Variants in SGCZ observed in about 807,000 individuals in gnomAD.
SGCZ encodes sarcoglycan zeta.
SGCZ carries 40 observed loss-of-function variants against 41.3 expected under a neutral mutation model. That is an observed-to-expected ratio of 0.97 (90% CI 0.75 to 1.26). The LOEUF is 1.26. Ranked by LOEUF, SGCZ falls within the 50% of genes most tolerant of loss-of-function variation. The probability of loss-of-function intolerance (pLI) is 0.00; values close to 1 mark genes in which losing one functional copy is unlikely to be tolerated. For missense variants in SGCZ, 552 were observed against 369.8 expected (o/e 1.49, Z -4.04); for synonymous variants, 206 against 137.5 (o/e 1.50, Z -3.49).
At chr8:14,504,563 T>C (rs889157090) in intron 2 of SGCZ, among the ~76,000 whole-genome samples, 1 of 152,194 alleles carries the variant, frequency 6.6e-6, no homozygotes, top group Admixed American at 6.5e-5. Flanking sequence ...CCTTTCTTTC[T>C]TCTGCGTTAT....
chr8:15,188,025 A>T (rs372127577), intron 1 of SGCZ, among the ~76,000 whole-genome samples: 10 of 152,146 alleles, frequency 6.6e-5, no homozygotes, highest in Middle Eastern at 3.4e-3. Flanking sequence ...GTAACAACTT[A>T]CACATTATTC....
chr8:14,759,217 T>C (rs1014203425), intron 1 of SGCZ, among the ~76,000 whole-genome samples: 2 of 152,002 alleles, frequency 1.3e-5, no homozygotes, highest in African/African-American at 2.4e-5. Context: ...CCTATGTAAA[T>C]AGACAGTAAA....
chr8:14,751,777 T>C (rs1439300971), intron 1 of SGCZ, among the ~76,000 whole-genome samples: 1 of 150,858 alleles, frequency 6.6e-6, no homozygotes, highest in Non-Finnish European at 1.5e-5. Flanking sequence ...CTTGATTTCC[T>C]GACCTCGTGA....
intron 1 of SGCZ, among the ~76,000 whole-genome samples, chr8:14,967,310 G>T (rs115523862): frequency 1.3e-5 from 2 of 152,096 alleles, no homozygotes; most frequent in African/African-American, 4.8e-5. Flanking sequence ...AAGGGATAGC[G>T]CTTCTAACTG....
At position 14,761,570 on chromosome 8, in the gene SGCZ, C is replaced by T. The variant is rs181526065; in HGVS notation, c.40-206644G>A. Among the ~76,000 whole-genome samples the T allele has an allele frequency of 5.6e-3, 823 of 147,206 alleles. 12 individuals are homozygous for T. The highest frequency in any genetic ancestry group is 0.02 in the African/African-American group (776 of 39,644). ...TTTTTGAGAGGGAGTCTCTCCCTGT[C>T]GCCCAGACTGGAGTGCAGCAGCGTG... On this transcript the variant is annotated intron_variant, in intron 1 of 7. Transcript: ENST00000382080.
At chr8:14,530,109 A>T (rs1048592251) in intron 2 of SGCZ, among the ~76,000 whole-genome samples, 15 of 152,052 alleles carry the variant, frequency 9.9e-5, no homozygotes, top group African/African-American at 3.6e-4. Context: ...TTTCCAGTAT[A>T]CAAAACCATG....
At chr8:14,336,251 CTTA>C (rs1802501782) in intron 2 of SGCZ, among the ~76,000 whole-genome samples, 1 of 152,120 alleles carries the variant, frequency 6.6e-6, no homozygotes, top group Non-Finnish European at 1.5e-5. Flanking sequence ...TGATATCATT[CTTA>C]TTTTTTCTTG....
At chr8:14,586,131 C>A (rs552771480) in intron 1 of SGCZ, among the ~76,000 whole-genome samples, 1 of 152,150 alleles carries the variant, frequency 6.6e-6, no homozygotes, top group Non-Finnish European at 1.5e-5. Context: ...TCATAATCAT[C>A]GTTGTCTTAG....
intron 2 of SGCZ, among the ~76,000 whole-genome samples, chr8:14,520,824 C>G (rs979103671): frequency 2.6e-5 from 4 of 151,960 alleles, no homozygotes; most frequent in African/African-American, 9.7e-5. Context: ...AATGAGAGAG[C>G]ATTCTTTCTC....
Position 14,623,388 on chromosome 8 carries a change from G to A in SGCZ, c.40-68462C>T, listed in dbSNP as rs374905361. Among the ~76,000 whole-genome samples the A allele has an allele frequency of 5.3e-5, 8 of 152,274 alleles. No homozygotes were observed. The East Asian group carries it at 9.7e-4, about 18-fold the overall frequency. ...AACATCTCTTTGCGTGAAGCAAAAA[G>A]CATCCAGAGAAGCAGGCAAGCATCC... On this transcript the variant is annotated intron_variant, in intron 1 of 7. Coordinates refer to ENST00000382080, the MANE Select transcript of SGCZ (RefSeq NM_139167.4).
Position 14,691,480 on chromosome 8 carries a change from G to A in SGCZ, c.40-136554C>T, listed in dbSNP as rs183539154. 2.6e-4 allele frequency among the ~76,000 whole-genome samples: 40 copies of A among 152,012 alleles called. 1 individual carries two copies. The highest frequency in any genetic ancestry group is 9.4e-4 in the African/African-American group (39 of 41,492). On this transcript the variant is annotated intron_variant, in intron 1 of 7. Coordinates refer to ENST00000382080, the MANE Select transcript of SGCZ (RefSeq NM_139167.4). ...TTTGGAAGGGTTACTTAATTATGTC[G>A]TCTAAGTAACCTAATTTATATGATT...
chr8:14,736,965 G>A (rs1799054677), intron 1 of SGCZ, among the ~76,000 whole-genome samples: 1 of 151,260 alleles, frequency 6.6e-6, no homozygotes, highest in Non-Finnish European at 1.5e-5. Flanking sequence ...CAAAATTGTG[G>A]AACCAAACCA....
At position 15,149,345 on chromosome 8, in the gene SGCZ, C is replaced by T. The variant is rs149951496; in HGVS notation, c.39+88240G>A. Among the ~76,000 whole-genome samples the T allele has an allele frequency of 5.9e-3, 897 of 152,204 alleles. 12 individuals are homozygous for T. The highest frequency in any genetic ancestry group is 0.021 in the African/African-American group (853 of 41,524). On this transcript the variant is annotated intron_variant, in intron 1 of 7. Coordinates refer to ENST00000382080, the MANE Select transcript of SGCZ (RefSeq NM_139167.4). ...GGATTGGTGTGCAGAATAAAAAGCTCACAGGACAGAAAGTCTAACTGGACT... is the reference window on the plus strand; with the variant it reads ...GGATTGGTGTGCAGAATAAAAAGCTTACAGGACAGAAAGTCTAACTGGACT...
At chr8:15,042,323 C>T (rs1436707835) in intron 1 of SGCZ, among the ~76,000 whole-genome samples, 1 of 152,154 alleles carries the variant, frequency 6.6e-6, no homozygotes, top group Non-Finnish European at 1.5e-5. Context: ...GGCTCCACAG[C>T]CTCTGTGTCA....
At chr8:14,594,489 C>A (rs1284990474) in intron 1 of SGCZ, among the ~76,000 whole-genome samples, 3 of 152,008 alleles carry the variant, frequency 2.0e-5, no homozygotes, top group Non-Finnish European at 4.4e-5. Context: ...CACAATTCCA[C>A]TGGGAGGATC....
At chr8:14,544,350 A>G (rs970747112) in intron 2 of SGCZ, among the ~76,000 whole-genome samples, 2 of 152,142 alleles carry the variant, frequency 1.3e-5, no homozygotes, top group African/African-American at 2.4e-5. Context: ...ATATGAAATC[A>G]GTGCACCTTG....
intron 2 of SGCZ, among the ~76,000 whole-genome samples, chr8:14,417,128 C>G (rs569976951): frequency 1.0e-3 from 157 of 151,794 alleles, no homozygotes; most frequent in African/African-American, 3.6e-3. Flanking sequence ...TGTAAGAGCC[C>G]GTCTTAGAGA....
chr8:14,330,555 TATTTAA>T (rs1802280172), intron 2 of SGCZ, among the ~76,000 whole-genome samples: 1 of 152,188 alleles, frequency 6.6e-6, no homozygotes, highest in South Asian at 2.1e-4. Flanking sequence ...GATTTAAGAA[TATTTAA>T]ATTTAAATTT....
intron 3 of SGCZ, among the ~76,000 whole-genome samples, chr8:14,265,708 G>C (rs1025120042): frequency 2.1e-4 from 32 of 150,564 alleles, no homozygotes; most frequent in Admixed American, 2.0e-3. Flanking sequence ...ACTCAACATG[G>C]TCCAAGAAAA....
Sources: gnomAD v4.1 joint callset for allele counts (sites outside exome capture counted in the v4.1 genomes callset) on GRCh38, gnomAD v4.1.1 for gene constraint, MANE v1.5 for transcripts, NCBI Gene and HGNC (gene_info 2026-07-23, HGNC 2026-07-21) for gene names.